Variants in TUBGCP3 observed in about 807,000 individuals in gnomAD.
TUBGCP3 encodes tubulin gamma complex component 3.
A neutral mutation model predicts 123.1 loss-of-function variants in TUBGCP3; 50 were observed. That is an observed-to-expected ratio of 0.41 (90% CI 0.32 to 0.51). TUBGCP3 has a LOEUF of 0.51. TUBGCP3 is among the 20% of genes least tolerant of loss of function. The pLI, the probability that TUBGCP3 is intolerant of heterozygous loss-of-function variation, is 0.36. For missense variants in TUBGCP3, 882 were observed against 1,127.0 expected (o/e 0.78, Z 3.11); for synonymous variants, 405 against 413.9 (o/e 0.98, Z 0.26).
In TUBGCP3 at chr13:112,485,760, AAT is replaced by A. The variant is rs554599347; in HGVS notation, c.*231_*232del. Reference sequence around the variant, plus strand: ...TTAGCGATGAAGACTTTTAGAGACAAATGTGAACAGTGCAGCCAGCCTACTTG... The same window carrying A: ...TTAGCGATGAAGACTTTTAGAGACAAGTGAACAGTGCAGCCAGCCTACTTG... On this transcript the variant is annotated 3_prime_UTR_variant, in exon 22 of 22. Coordinates refer to ENST00000261965, the MANE Select transcript of TUBGCP3 (RefSeq NM_006322.6). 5.4e-4 allele frequency: 273 copies of A among 503,304 alleles called. No homozygotes were observed. The highest frequency in any genetic ancestry group is 8.4e-4 in the Non-Finnish European group (242 of 287,676). The allele number at this position is 503,304 out of a possible 1,614,324, so 31.2% of individuals were successfully genotyped here.
the TUBGCP3 span, among the ~76,000 whole-genome samples, chr13:112,600,636 TA>T: frequency 8.5e-5 from 13 of 152,112 alleles, no homozygotes; most frequent in African/African-American, 3.1e-4. Flanking sequence ...TTCTTATACT[TA>T]AAAAAAATTG....
At chr13:112,591,755 A>G (rs1385764643), upstream of TUBGCP3, among the ~76,000 whole-genome samples, 2 of 152,244 alleles carry the variant, frequency 1.3e-5, no homozygotes, top group Non-Finnish European at 2.9e-5. Flanking sequence ...ACAAAGCAAA[A>G]GCCATAGGAA....
In TUBGCP3 at chr13:112,487,053, ATG is replaced by A. The variant is rs10522089; in HGVS notation, c.2566-904_2566-903del. On this transcript the variant is annotated intron_variant, in intron 21 of 21. Coordinates refer to ENST00000261965, the MANE Select transcript of TUBGCP3 (RefSeq NM_006322.6). ...ACCTCTGAGCAGGCAAACACTGTGTATGTGTGTGTGTGTGTGTGTGTGTGTGT... is the reference window on the plus strand; with the variant it reads ...ACCTCTGAGCAGGCAAACACTGTGTATGTGTGTGTGTGTGTGTGTGTGTGT... Among the ~76,000 whole-genome samples the A allele has an allele frequency of 9.6e-3, 1,420 of 147,486 alleles. 12 individuals carry two copies. The highest frequency in any genetic ancestry group is 0.013 in the Non-Finnish European group (897 of 66,700).
rs532483046 is a variant in TUBGCP3 at position 112,524,630 on chromosome 13, C to T, written c.1556-2121G>A. Among the ~76,000 whole-genome samples the T allele has an allele frequency of 3.9e-5, 6 of 152,218 alleles. No individual in the cohort carries two copies. The highest frequency in any genetic ancestry group is 7.2e-5 in the African/African-American group (3 of 41,530). The stretch of plus-strand genomic sequence containing the variant: ...ACAATCTGGGGTCTATGTACCCCCC[C>T]ACAAAAAAATACATGTAAAATTATG... On this transcript the variant is annotated intron_variant, in intron 13 of 21. Transcript: ENST00000261965. This position sits in a 1 kb window ranked among gnomAD's most constrained non-coding sequence, Gnocchi z 4.4.
At chr13:112,544,269 C>T (rs569718314) in intron 11 of TUBGCP3, among the ~76,000 whole-genome samples, 2,460 of 151,996 alleles carry the variant, frequency 0.016, 54 homozygotes, top group African/African-American at 0.056. Context: ...CTGGCTAACA[C>T]AGTGAAACCC....
At chr13:112,559,518 G>A (rs574632857) in intron 3 of TUBGCP3, 119 bp from the exon 4 acceptor site, 136 of 796,008 alleles carry the variant, frequency 1.7e-4, no homozygotes, top group Admixed American at 7.4e-4. Context: ...ACATAGTAAC[G>A]TCAAATCTAA....
chr13:112,543,045 G>C (rs1417036823), intron 11 of TUBGCP3, among the ~76,000 whole-genome samples: 2 of 152,174 alleles, frequency 1.3e-5, no homozygotes, highest in Non-Finnish European at 2.9e-5. Flanking sequence ...AGCTACTTGG[G>C]AGGCTGAGGC....
chr13:112,583,614 A>G (rs1882416423), intron 1 of TUBGCP3, among the ~76,000 whole-genome samples: 1 of 152,354 alleles, frequency 6.6e-6, no homozygotes, highest in Admixed American at 6.5e-5. Context: ...GAACTTCAAG[A>G]TGCACAAAAA....
intron 3 of TUBGCP3, among the ~76,000 whole-genome samples, chr13:112,561,021 TGACATCG>T (rs1880473952): frequency 6.6e-6 from 1 of 152,056 alleles, no homozygotes; most frequent in African/African-American, 2.4e-5. Context: ...GGAGGGAAGC[TGACATCG>T]GAATGAGGCC....
rs1322846979 is a variant in TUBGCP3, at chr13:112,494,755, A to C, written c.2448+4290T>G. 2.6e-5 allele frequency among the ~76,000 whole-genome samples: 4 copies of C among 152,356 alleles called. No individual in the cohort carries two copies. In the East Asian group the frequency reaches 7.7e-4, roughly 29 times the overall value. ...TGTTCTTGCCTGACTTTTGGATAAA[A>C]GCCATTTTAACTGGGGTGGGATGAT... On this transcript the variant is annotated intron_variant, in intron 20 of 21. Transcript: ENST00000261965.
intron 19 of TUBGCP3, among the ~76,000 whole-genome samples, chr13:112,500,304 T>C (rs1023104276): frequency 6.6e-6 from 1 of 152,214 alleles, no homozygotes; most frequent in Non-Finnish European, 1.5e-5. Flanking sequence ...ACAAGGGTCC[T>C]ATCAGATGTC....
rs1385255379 is a variant in TUBGCP3, at chr13:112,551,055, C to T, written c.967-2879G>A. On this transcript the variant is annotated intron_variant, in intron 8 of 21. Coordinates refer to ENST00000261965, the MANE Select transcript of TUBGCP3 (RefSeq NM_006322.6). ...CGGAGCTTGCAGTGAGCCGAGATCG[C>T]GCCACTGCACTCCAGCCTGGGTGAC... Among the ~76,000 whole-genome samples the T allele has an allele frequency of 2.0e-5, 3 of 151,910 alleles. No individual in the cohort carries two copies. In the South Asian group the frequency reaches 6.2e-4, roughly 31 times the overall value.
At chr13:112,489,445 T>C in intron 21 of TUBGCP3, 136 bp downstream of exon 21, 3 of 710,446 alleles carry the variant, frequency 4.2e-6, no homozygotes, top group Middle Eastern at 5.7e-4. Flanking sequence ...GGGTCCACCA[T>C]GGGTGCTACT....
intron 17 of TUBGCP3, among the ~76,000 whole-genome samples, chr13:112,514,805 G>A (rs1432530621): frequency 6.6e-6 from 1 of 152,106 alleles, no homozygotes; most frequent in South Asian, 2.1e-4. Flanking sequence ...CTATTCTCAA[G>A]AAATATTCAG....
intron 1 of TUBGCP3, among the ~76,000 whole-genome samples, chr13:112,570,656 G>A (rs545804266): frequency 6.7e-4 from 102 of 152,282 alleles, no homozygotes; most frequent in African/African-American, 2.4e-3. Flanking sequence ...GGTTGCTGAA[G>A]GCTGTGGCAA....
intron 11 of TUBGCP3, chr13:112,544,610 T>A (rs1053660430): frequency 6.6e-6 from 1 of 151,936 alleles, no homozygotes; most frequent in Non-Finnish European, 1.5e-5. Context: ...AAAGAAAACA[T>A]CATCTCCATC....
chr13:112,502,351 C>G (rs1457797326), intron 19 of TUBGCP3, among the ~76,000 whole-genome samples: 1 of 152,152 alleles, frequency 6.6e-6, no homozygotes, highest in Non-Finnish European at 1.5e-5. Flanking sequence ...GCACACGGGT[C>G]TAGGAACAGA....
At chr13:112,492,531 C>T (rs375982486) in intron 20 of TUBGCP3, among the ~76,000 whole-genome samples, 4 of 152,386 alleles carry the variant, frequency 2.6e-5, no homozygotes, top group South Asian at 4.1e-4. Flanking sequence ...CCAATGACCA[C>T]CTCTCCCCCC....
intron 11 of TUBGCP3, among the ~76,000 whole-genome samples, chr13:112,541,921 T>G (rs961590625): frequency 2.6e-5 from 4 of 152,182 alleles, no homozygotes; most frequent in Non-Finnish European, 5.9e-5. Flanking sequence ...AATAAAAAGG[T>G]AAACTTTCTC....
Sources: gnomAD v4.1 joint callset for allele counts (sites outside exome capture counted in the v4.1 genomes callset) on GRCh38, gnomAD v4.1.1 for gene constraint, Gnocchi (gnomAD v3.1) non-coding constraint, MANE v1.5 for transcripts, NCBI Gene and HGNC (gene_info 2026-07-23, HGNC 2026-07-21) for gene names.